PRDM5: variants seen among roughly 807,000 people sequenced by gnomAD.
The protein encoded by PRDM5 is PR domain zinc finger protein 5.
PRDM5 carries 56 observed loss-of-function variants against 81.2 expected under a neutral mutation model. The ratio of observed to expected loss-of-function variants is 0.69; its 90% CI spans 0.56 to 0.86. The LOEUF is 0.86. PRDM5 is among the 40% of genes least tolerant of loss of function. PRDM5 has a pLI of 0.00. For missense variants in PRDM5, 697 were observed against 770.1 expected, an observed-to-expected ratio of 0.91 and a Z score of 1.12; for synonymous variants, 267 against 256.4, an observed-to-expected ratio of 1.04 and a Z score of -0.39.
intron 14 of PRDM5, among the ~76,000 whole-genome samples, chr4:120,710,808 C>G (rs1445979838): frequency 6.6e-6 from 1 of 152,166 alleles, no homozygotes; most frequent in Non-Finnish European, 1.5e-5. Flanking sequence ...TGAGCTCTCC[C>G]CAGCCATGCA....
chr4:120,913,377 G>T (rs1442380095), intron 1 of PRDM5, among the ~76,000 whole-genome samples: 1 of 152,186 alleles, frequency 6.6e-6, no homozygotes, highest in Admixed American at 6.5e-5. Flanking sequence ...TGTTCCATCT[G>T]CCAGCTTCCT....
At position 120,781,153 on chromosome 4, in the gene PRDM5, C is replaced by T; in HGVS notation, c.1433G>A (p.Ser478Asn). ...KAFVTPSVLR[S>N]HKKTHTGEKE... ...AAGACTTCCACTTACTTTCTTATGA[C>T]TTCTAAGCACTGAAGGTGTAACAAA... The change falls in exon 12 of 16, where the codon AGT becomes AAT. Residue 478 changes from serine (S) to asparagine (N), a missense_variant. Physicochemically the swap from Ser to Asn is conservative, Grantham distance 46 (BLOSUM62 1). This residue lies in a region of PRDM5 where 577 missense variants were observed against 606.7 expected (regional missense o/e 0.95). Coordinates refer to ENST00000264808, the MANE Select transcript of PRDM5 (RefSeq NM_018699.4). 1.2e-6 allele frequency: 2 copies of T among 1,613,170 alleles called. No homozygotes were observed. Among genetic ancestry groups the T allele is most frequent in the African/African-American group, 1.3e-5 (1 of 74,994 alleles).
chr4:120,795,603 A>C (rs77505555), intron 10 of PRDM5, among the ~76,000 whole-genome samples: 1 of 148,938 alleles, frequency 6.7e-6, no homozygotes, highest in Non-Finnish European at 1.5e-5. Context: ...AAAAAAAAAA[A>C]CACCCCTTTA....
At chr4:120,827,249 A>G (rs775012735) in intron 3 of PRDM5, among the ~76,000 whole-genome samples, 7 of 152,184 alleles carry the variant, frequency 4.6e-5, no homozygotes, top group Non-Finnish European at 8.8e-5. Flanking sequence ...AACATCATAT[A>G]ATATGGAATT....
intron 1 of PRDM5, among the ~76,000 whole-genome samples, chr4:120,919,528 A>G (rs1340131971): frequency 1.3e-5 from 2 of 152,218 alleles, no homozygotes; most frequent in Admixed American, 6.5e-5. Context: ...TTCAGGTACA[A>G]TATCAAAAAA....
At chr4:120,721,957 G>C (rs1298643566) in intron 14 of PRDM5, among the ~76,000 whole-genome samples, 1 of 152,220 alleles carries the variant, frequency 6.6e-6, no homozygotes, top group African/African-American at 2.4e-5. Context: ...CAGAGAAAGA[G>C]AGAGACAGAG....
intron 14 of PRDM5, among the ~76,000 whole-genome samples, chr4:120,749,953 G>A (rs182745689): frequency 6.6e-6 from 1 of 152,280 alleles, no homozygotes; most frequent in East Asian, 1.9e-4. Context: ...AGTAGGGCCA[G>A]GAAACCATCC....
At chr4:120,873,841 C>T (rs1762089307) in intron 2 of PRDM5, among the ~76,000 whole-genome samples, 1 of 152,154 alleles carries the variant, frequency 6.6e-6, no homozygotes, top group Non-Finnish European at 1.5e-5. Flanking sequence ...CTTATTTTTT[C>T]AGCACCCATG....
chr4:120,759,145 C>T (rs1745230810), intron 13 of PRDM5, among the ~76,000 whole-genome samples: 1 of 152,042 alleles, frequency 6.6e-6, no homozygotes, highest in Non-Finnish European at 1.5e-5. Context: ...CTCAGAGCAC[C>T]TCTAGTCTAG....
intron 15 of PRDM5, among the ~76,000 whole-genome samples, chr4:120,702,434 G>C (rs1255253275): frequency 6.6e-6 from 1 of 152,142 alleles, no homozygotes; most frequent in African/African-American, 2.4e-5. Context: ...GTGATGGTTG[G>C]TCTCTGTTAA....
intron 13 of PRDM5, among the ~76,000 whole-genome samples, chr4:120,765,621 T>C (rs1270944326): frequency 6.6e-6 from 1 of 152,138 alleles, no homozygotes; most frequent in Non-Finnish European, 1.5e-5. Flanking sequence ...AACATTCCCC[T>C]TCAATGAAGA....
intron 13 of PRDM5, among the ~76,000 whole-genome samples, chr4:120,755,345 T>C (rs1202904379): frequency 6.6e-6 from 1 of 152,228 alleles, no homozygotes; most frequent in Non-Finnish European, 1.5e-5. Context: ...GAAGATGCCC[T>C]CTTGTCAAAG....
chr4:120,761,870 G>C (rs1745664294), intron 13 of PRDM5, among the ~76,000 whole-genome samples: 1 of 152,054 alleles, frequency 6.6e-6, no homozygotes, highest in South Asian at 2.1e-4. Context: ...GAATTAATAT[G>C]TTAATAATGA....
intron 2 of PRDM5, among the ~76,000 whole-genome samples, chr4:120,901,847 CAT>C (rs2148661995): frequency 6.6e-6 from 1 of 152,282 alleles, no homozygotes; most frequent in Non-Finnish European, 1.5e-5. Context: ...TGTGGCATAG[CAT>C]ATGACTCCAC....
At chr4:120,685,191 C>A (rs1445534780) in intron 1 of PRDM5, among the ~76,000 whole-genome samples, 1 of 151,724 alleles carries the variant, frequency 6.6e-6, no homozygotes, top group Non-Finnish European at 1.5e-5. Flanking sequence ...TAAGGTTATT[C>A]CCTCTTTTGA....
chr4:120,769,740 T>C (rs6824362), intron 13 of PRDM5, among the ~76,000 whole-genome samples: 26,782 of 152,192 alleles, frequency 0.18, 2,817 homozygotes, highest in Non-Finnish European at 0.24. Flanking sequence ...CTAGCATCCT[T>C]AAGAAGGATG....
rs200086181 is a variant in PRDM5 at position 120,914,190 on chromosome 4, CAA to C, written c.94-6635_94-6634del. Among the ~76,000 whole-genome samples the C allele has an allele frequency of 3.8e-4, 49 of 128,524 alleles. No individual in the cohort carries two copies. In the East Asian group the frequency reaches 6.7e-3, roughly 18 times the overall value. 84.3% of individuals were successfully genotyped at this position (128,524 alleles called of 152,430 possible). A position where few individuals can be genotyped will look rare whatever the true frequency, so the allele number is the denominator to read the frequency against. Reference sequence around the variant, plus strand: ...TTTAAGGAGATTCAAATACAGCACTCAAAAAAAAAAAAACTTTTAAGAGTTAA... The same window carrying C: ...TTTAAGGAGATTCAAATACAGCACTCAAAAAAAAAAACTTTTAAGAGTTAA... On this transcript the variant is annotated intron_variant, in intron 1 of 15. Coordinates refer to ENST00000264808, the MANE Select transcript of PRDM5 (RefSeq NM_018699.4).
intron 2 of PRDM5, among the ~76,000 whole-genome samples, chr4:120,858,591 G>GCACA (rs138957871): frequency 4.7e-4 from 70 of 150,520 alleles, no homozygotes; most frequent in East Asian, 2.0e-3. Flanking sequence ...GCGCACGCAC[G>GCACA]CACACACACA....
At chr4:120,729,411 T>C (rs1221649670) in intron 14 of PRDM5, among the ~76,000 whole-genome samples, 1 of 152,012 alleles carries the variant, frequency 6.6e-6, no homozygotes, top group Non-Finnish European at 1.5e-5. Flanking sequence ...ACAACATCCA[T>C]GAGATGAAGG....
Sources: gnomAD v4.1 joint callset for allele counts (sites outside exome capture counted in the v4.1 genomes callset) on GRCh38, gnomAD v4.1.1 for gene constraint, gnomAD v4.1.1 regional missense constraint, MANE v1.5 for transcripts, NCBI Gene and HGNC (gene_info 2026-07-23, HGNC 2026-07-21) for gene names.